The following ST18 variants were observed in gnomAD, a reference collection of about 807,000 sequenced individuals.
The protein encoded by ST18 is suppression of tumorigenicity 18 protein.
A neutral mutation model predicts 110.0 loss-of-function variants in ST18; 50 were observed. The ratio of observed to expected loss-of-function variants is 0.45; its 90% CI spans 0.36 to 0.58. The LOEUF (loss-of-function observed/expected upper bound fraction) is 0.58, where lower values mean the gene tolerates loss of function less well. Among genes scored for constraint, ST18 ranks in the 20% least tolerant of loss-of-function variants. The probability of loss-of-function intolerance (pLI) is 0.00; values close to 1 mark genes in which losing one functional copy is unlikely to be tolerated. For synonymous variants in ST18, 461 were observed against 452.4 expected, an observed-to-expected ratio of 1.02 and a Z score of -0.24; for missense variants, 1,306 against 1,280.1, an observed-to-expected ratio of 1.02 and a Z score of -0.31.
intron 25 of ST18, among the ~76,000 whole-genome samples, chr8:52,113,874 A>G (rs2041366114): frequency 6.7e-6 from 1 of 148,462 alleles, no homozygotes; most frequent in East Asian, 2.0e-4. Context: ...CTGTGGCATC[A>G]TTGCAATATA....
chr8:52,397,009 T>A (rs1186702446), intron 2 of ST18, among the ~76,000 whole-genome samples: 1 of 152,178 alleles, frequency 6.6e-6, no homozygotes, highest in East Asian at 1.9e-4. Flanking sequence ...AGAAAGAGGA[T>A]TTCTGGATCA....
intron 3 of ST18, among the ~76,000 whole-genome samples, chr8:52,225,120 C>T (rs1478708093): frequency 6.6e-6 from 1 of 152,306 alleles, no homozygotes; most frequent in East Asian, 1.9e-4. Flanking sequence ...TGTATTTGTC[C>T]TTCCAGTCCC....
At chr8:52,243,843 G>A (rs2093635856) in intron 2 of ST18, among the ~76,000 whole-genome samples, 1 of 152,090 alleles carries the variant, frequency 6.6e-6, no homozygotes, top group Non-Finnish European at 1.5e-5. Flanking sequence ...ATTTTCCGCA[G>A]GGTGATGGGG....
intron 15 of ST18, among the ~76,000 whole-genome samples, chr8:52,158,035 A>G (rs941860220): frequency 6.6e-6 from 1 of 152,246 alleles, no homozygotes; most frequent in Non-Finnish European, 1.5e-5. Flanking sequence ...TTTGAACTGA[A>G]GCACTTTCTG....
chr8:52,350,525 T>C (rs1208325856), intron 2 of ST18, among the ~76,000 whole-genome samples: 18 of 152,142 alleles, frequency 1.2e-4, no homozygotes. Flanking sequence ...ATCCTTCATT[T>C]GGAAACAGCA....
chr8:52,264,210 T>C lies in ST18; in HGVS notation c.-464-34133A>G, dbSNP rs1007117985. ...GAATTTACATCCAAGTGTTTTAGGGTATGGTGTCCTAATTCTTGAACATTA... is the reference window on the plus strand; with the variant it reads ...GAATTTACATCCAAGTGTTTTAGGGCATGGTGTCCTAATTCTTGAACATTA... On this transcript the variant is annotated intron_variant, in intron 2 of 25. Coordinates refer to ENST00000689386, the MANE Select transcript of ST18 (RefSeq NM_001352837.2). Among the ~76,000 whole-genome samples the C allele has an allele frequency of 5.9e-5, 9 of 152,350 alleles. 2 individuals are homozygous for C. In the East Asian group the frequency reaches 1.7e-3, roughly 29 times the overall value.
At chr8:52,260,940 T>C (rs1029214852) in intron 2 of ST18, among the ~76,000 whole-genome samples, 2 of 152,202 alleles carry the variant, frequency 1.3e-5, no homozygotes, top group African/African-American at 4.8e-5. Context: ...GTTTTGTAAA[T>C]GTGTTTGAAA....
intron 8 of ST18, among the ~76,000 whole-genome samples, chr8:52,193,747 C>T (rs914926975): frequency 1.3e-5 from 2 of 152,174 alleles, no homozygotes; most frequent in Admixed American, 6.5e-5. Flanking sequence ...ATGACAAATT[C>T]ACTTTTACCC....
Position 52,172,153 on chromosome 8 carries a change from T to A in ST18, c.708A>T (p.Ile236=), listed in dbSNP as rs201279819. 1 of 1,614,266 alleles carries A rather than the reference T, an allele frequency of 6.2e-7. No individual in the cohort carries two copies. The highest frequency in any genetic ancestry group is 8.5e-7 in the Non-Finnish European group (1 of 1,180,054). ...GGATAAATTTGTCACCTTCAGTTTT[T>A]ATTTCAGGAACTTCCAATAGGTCTT... ...HKKDLLEVPE[I]KTEGDKFIPC... The change falls in exon 10 of 26, where the codon ATA becomes ATT. Residue 236 remains isoleucine, a synonymous_variant. Coordinates refer to ENST00000689386, the MANE Select transcript of ST18 (RefSeq NM_001352837.2).
intron 2 of ST18, among the ~76,000 whole-genome samples, chr8:52,360,487 G>T (rs1825236681): frequency 6.6e-6 from 1 of 151,334 alleles, no homozygotes; most frequent in African/African-American, 2.4e-5. Context: ...TGTGGTAGTT[G>T]GACTTCAACA....
chr8:52,225,654 C>T (rs1369232457), intron 3 of ST18, among the ~76,000 whole-genome samples: 1 of 152,162 alleles, frequency 6.6e-6, no homozygotes, highest in Admixed American at 6.5e-5. Flanking sequence ...AAAGAGCCAA[C>T]GAGTGGGAAA....
intron 2 of ST18, among the ~76,000 whole-genome samples, chr8:52,375,739 C>G (rs957636628): frequency 6.6e-6 from 1 of 152,180 alleles, no homozygotes; most frequent in Non-Finnish European, 1.5e-5. Flanking sequence ...CAGCACTCCA[C>G]ACTCACATCG....
intron 19 of ST18, among the ~76,000 whole-genome samples, chr8:52,133,551 G>A (rs1414614306): frequency 6.6e-6 from 1 of 151,662 alleles, no homozygotes; most frequent in Admixed American, 6.6e-5. Flanking sequence ...AAGGATATAT[G>A]ACTACTGAGT....
chr8:52,170,293 T>C (rs2133712137), intron 10 of ST18, among the ~76,000 whole-genome samples: 1 of 152,170 alleles, frequency 6.6e-6, no homozygotes, highest in Non-Finnish European at 1.5e-5. Context: ...CCGTCTCTAC[T>C]GAAAATACAA....
At chr8:52,210,021 C>T (rs942989802) in intron 8 of ST18, 13 of 454,556 alleles carry the variant, frequency 2.9e-5, no homozygotes, top group Non-Finnish European at 4.0e-5. Flanking sequence ...TTTCAAGAAA[C>T]GTCACTACCT....
chr8:52,278,091 A>G (rs2095308688), intron 2 of ST18, among the ~76,000 whole-genome samples: 1 of 152,216 alleles, frequency 6.6e-6, no homozygotes, highest in African/African-American at 2.4e-5. Context: ...TACCACATTT[A>G]CTAATGACTC....
intron 2 of ST18, among the ~76,000 whole-genome samples, chr8:52,315,313 C>T (rs1200044569): frequency 6.6e-6 from 1 of 152,130 alleles, no homozygotes; most frequent in Non-Finnish European, 1.5e-5. Context: ...GTAAAGAATG[C>T]ATTTTTAATT....
intron 15 of ST18, among the ~76,000 whole-genome samples, chr8:52,156,978 G>A (rs775088352): frequency 1.3e-5 from 2 of 152,138 alleles, no homozygotes; most frequent in Non-Finnish European, 2.9e-5. Context: ...CTGCGGTTAA[G>A]ACTTGGTTGG....
chr8:52,149,627 G>T, intron 16 of ST18, 105 bp downstream of exon 16: 3 of 1,419,940 alleles, frequency 2.1e-6, no homozygotes, highest in Non-Finnish European at 2.8e-6. Flanking sequence ...ACAGAATTAT[G>T]TATTATCTAA....
Sources: allele counts gnomAD v4.1 joint callset (sites outside exome capture counted in the v4.1 genomes callset), GRCh38; gene constraint gnomAD v4.1.1; transcripts MANE v1.5; gene names NCBI Gene and HGNC (gene_info 2026-07-23, HGNC 2026-07-21).